The following AGBL1 variants were observed in gnomAD, a reference collection of about 807,000 sequenced individuals.
AGBL1 encodes the protein cytosolic carboxypeptidase 4.
Under a neutral mutation model 118.9 loss-of-function variants are expected in AGBL1, and 130 were observed. The observed-to-expected ratio is 1.09, with a 90% CI of 0.95 to 1.26. The LOEUF is 1.26. AGBL1 is among the 50% of genes most tolerant of loss of function. The pLI, the probability that AGBL1 is intolerant of heterozygous loss-of-function variation, is 0.00. For synonymous variants in AGBL1, 555 were observed against 478.9 expected (o/e 1.16, Z -2.08); for missense variants, 1,584 against 1,298.1 (o/e 1.22, Z -3.38).
chr15:86,790,058 TG>T (rs2078469735), intron 22 of AGBL1, among the ~76,000 whole-genome samples: 1 of 152,170 alleles, frequency 6.6e-6, no homozygotes, highest in African/African-American at 2.4e-5. Context: ...TGTAACATGA[TG>T]ATGCATTCTC....
chr15:86,789,002 A>G (rs2078454460), intron 22 of AGBL1, among the ~76,000 whole-genome samples: 1 of 152,228 alleles, frequency 6.6e-6, no homozygotes, highest in African/African-American at 2.4e-5. Context: ...AGCTTTGCAG[A>G]GTAGATCACA....
chr15:86,181,146 A>C (rs74600781), intron 5 of AGBL1, among the ~76,000 whole-genome samples: 2,656 of 152,142 alleles, frequency 0.017, 30 homozygotes, highest in East Asian at 0.073. Flanking sequence ...TATTGTTCAC[A>C]CACTCCTCTT....
At chr15:86,589,083 G>A (rs2084297116) in intron 21 of AGBL1, among the ~76,000 whole-genome samples, 1 of 151,762 alleles carries the variant, frequency 6.6e-6, no homozygotes, top group Admixed American at 6.6e-5. Context: ...TTTTAAATAT[G>A]AATAACTTAC....
At position 86,416,572 on chromosome 15, in the gene AGBL1, T is replaced by TTA. The variant is rs568463298; in HGVS notation, c.2555+19026_2555+19027insTA. ...ATCTCAGGTGGGGAACACTTTTTTA[T>TTA]AAAAAAAAAATGTAATTCAATATCT... On this transcript the variant is annotated intron_variant, in intron 18 of 22. Transcript: ENST00000614907. 3.2e-3 allele frequency among the ~76,000 whole-genome samples: 474 copies of TTA among 149,092 alleles called. 1 individual carries two copies. Among genetic ancestry groups the TTA allele is most frequent in the African/African-American group, 0.011 (447 of 40,798 alleles).
At chr15:86,929,938 A>G (rs540357476) in intron 23 of AGBL1, among the ~76,000 whole-genome samples, 23 of 152,272 alleles carry the variant, frequency 1.5e-4, no homozygotes, top group African/African-American at 4.1e-4. Context: ...TTTTATTCCA[A>G]TTCTCATTTA....
At chr15:86,185,176 C>A (rs1388118162) in intron 5 of AGBL1, among the ~76,000 whole-genome samples, 4 of 152,206 alleles carry the variant, frequency 2.6e-5, no homozygotes, top group Non-Finnish European at 4.4e-5. Flanking sequence ...CACTGGCCAT[C>A]AGAGAAATAC....
intron 22 of AGBL1, among the ~76,000 whole-genome samples, chr15:86,775,765 T>G (rs2078247074): frequency 6.6e-6 from 1 of 152,188 alleles, no homozygotes; most frequent in South Asian, 2.1e-4. Flanking sequence ...ATTGTTTACA[T>G]TTTATTTATA....
intron 22 of AGBL1, among the ~76,000 whole-genome samples, chr15:86,746,386 T>A (rs2077757513): frequency 6.6e-6 from 1 of 152,082 alleles, no homozygotes. Context: ...CTGGCCCAAG[T>A]CCTGGTCATT....
intron 22 of AGBL1, among the ~76,000 whole-genome samples, chr15:86,844,724 A>G (rs2079294363): frequency 6.6e-6 from 1 of 152,150 alleles, no homozygotes; most frequent in Non-Finnish European, 1.5e-5. Flanking sequence ...GGCATCCAAA[A>G]TGACAATTTT....
chr15:86,456,203 A>G (rs149182097), intron 18 of AGBL1, among the ~76,000 whole-genome samples: 1 of 152,320 alleles, frequency 6.6e-6, no homozygotes, highest in East Asian at 1.9e-4. Context: ...ATTGCTGCCA[A>G]TCTGAGTTGG....
intron 18 of AGBL1, among the ~76,000 whole-genome samples, chr15:86,410,462 G>T (rs1596079778): frequency 6.6e-6 from 1 of 152,160 alleles, no homozygotes; most frequent in East Asian, 1.9e-4. Context: ...TTATAGCTGT[G>T]TGGCTTTGGA....
chr15:86,350,873 C>A (rs1413741528), intron 17 of AGBL1, among the ~76,000 whole-genome samples: 1 of 152,126 alleles, frequency 6.6e-6, no homozygotes, highest in Non-Finnish European at 1.5e-5. Flanking sequence ...GGCTTATGCC[C>A]TAATGGAAAA....
chr15:86,082,343 A>T (rs1895342521), intron 1 of AGBL1, among the ~76,000 whole-genome samples: 2 of 152,248 alleles, frequency 1.3e-5, no homozygotes, highest in African/African-American at 4.8e-5. Flanking sequence ...AATTCAAACC[A>T]GTCTGTCTCT....
chr15:86,809,670 A>C (rs1351060552), intron 22 of AGBL1, among the ~76,000 whole-genome samples: 1 of 152,206 alleles, frequency 6.6e-6, no homozygotes, highest in Non-Finnish European at 1.5e-5. Context: ...GAATGTGTCA[A>C]GTTGGGGAAC....
chr15:87,005,471 G>T (rs2081488602), intron 24 of AGBL1, among the ~76,000 whole-genome samples: 1 of 152,086 alleles, frequency 6.6e-6, no homozygotes, highest in African/African-American at 2.4e-5. Context: ...CTTTCTTCCA[G>T]TTGATCGAAT....
At chr15:86,585,464 G>A (rs2084232213) in intron 21 of AGBL1, among the ~76,000 whole-genome samples, 1 of 152,124 alleles carries the variant, frequency 6.6e-6, no homozygotes, top group Non-Finnish European at 1.5e-5. Flanking sequence ...TGTGATAATA[G>A]CTTATTATAA....
At chr15:86,725,826 A>T (rs1296541643) in intron 22 of AGBL1, among the ~76,000 whole-genome samples, 2 of 152,242 alleles carry the variant, frequency 1.3e-5, no homozygotes, top group East Asian at 3.8e-4. Flanking sequence ...AGGCATGCAC[A>T]CACACATACC....
chr15:86,434,982 C>T (rs1321382339), intron 18 of AGBL1, among the ~76,000 whole-genome samples: 1 of 152,072 alleles, frequency 6.6e-6, no homozygotes, highest in African/African-American at 2.4e-5. Flanking sequence ...GGTGTGTGTC[C>T]AATAGTAAGT....
intron 17 of AGBL1, among the ~76,000 whole-genome samples, chr15:86,395,422 C>T (rs1596062299): frequency 6.6e-6 from 1 of 152,062 alleles, no homozygotes; most frequent in Non-Finnish European, 1.5e-5. Context: ...AATGGCCTTA[C>T]CTCTCTCAGT....
Sources: gnomAD v4.1 joint callset for allele counts (sites outside exome capture counted in the v4.1 genomes callset) on GRCh38, gnomAD v4.1.1 for gene constraint, MANE v1.5 for transcripts, NCBI Gene and HGNC (gene_info 2026-07-23, HGNC 2026-07-21) for gene names.